The following CNGA1 variants were observed in gnomAD, a reference collection of about 807,000 sequenced individuals.
CNGA1 encodes cyclic nucleotide-gated channel alpha-1.
CNGA1 carries 53 observed loss-of-function variants against 69.7 expected under a neutral mutation model. The ratio of observed to expected loss-of-function variants is 0.76; its 90% CI spans 0.61 to 0.96. CNGA1 has a LOEUF of 0.96. CNGA1 is among the 40% of genes least tolerant of loss of function. The probability of loss-of-function intolerance (pLI) is 0.00; values close to 1 mark genes in which losing one functional copy is unlikely to be tolerated. For missense variants in CNGA1, 739 were observed against 811.2 expected (o/e 0.91, Z 1.08); for synonymous variants, 249 against 283.5 (o/e 0.88, Z 1.22).
intron 6 of CNGA1, among the ~76,000 whole-genome samples, chr4:47,945,052 A>C (rs1035234014): frequency 6.6e-6 from 1 of 152,080 alleles, no homozygotes; most frequent in Non-Finnish European, 1.5e-5. Flanking sequence ...GTTGAGGGCA[A>C]CTTACTCCAT....
chr4:48,011,740 C>A (rs891405990), intron 1 of CNGA1, among the ~76,000 whole-genome samples: 1 of 152,044 alleles, frequency 6.6e-6, no homozygotes, highest in Non-Finnish European at 1.5e-5. Context: ...AATTTAAAAC[C>A]AGGTGGGTGT....
chr4:47,959,170 A>C (rs1040153768), intron 3 of CNGA1: 1 of 152,038 alleles, frequency 6.6e-6, no homozygotes, highest in South Asian at 2.1e-4. Context: ...AGTTGGTGGC[A>C]AATGTGGGTG....
intron 3 of CNGA1, among the ~76,000 whole-genome samples, chr4:47,979,912 T>A (rs1578107842): frequency 1.3e-5 from 2 of 152,142 alleles, no homozygotes; most frequent in Non-Finnish European, 2.9e-5. Flanking sequence ...TTTGAAAAAA[T>A]TTTTTTCTCT....
chr4:47,972,095 G>A (rs1741079535), intron 3 of CNGA1, among the ~76,000 whole-genome samples: 1 of 152,136 alleles, frequency 6.6e-6, no homozygotes, highest in African/African-American at 2.4e-5. Context: ...AGTTTGCAAA[G>A]CAGTATCTTC....
At chr4:48,008,698 C>A (rs750991856) in intron 2 of CNGA1, among the ~76,000 whole-genome samples, 1 of 152,110 alleles carries the variant, frequency 6.6e-6, no homozygotes, top group Non-Finnish European at 1.5e-5. Flanking sequence ...ATGAAACTCA[C>A]CTTTGCAAAA....
Position 47,936,042 on chromosome 4 carries a change from A to G in CNGA1, c.*379T>C, listed in dbSNP as rs908644815. On this transcript the variant is annotated 3_prime_UTR_variant, in exon 11 of 11. Transcript: ENST00000514170. ...AAATGTTATCCCAAATATGATGTAC[A>G]TGGTAATTCTCAGTTACTTCAAATA... 17 of 230,230 alleles carry G rather than the reference A, an allele frequency of 7.4e-5. No homozygotes were observed. The highest frequency in any genetic ancestry group is 3.7e-4 in the African/African-American group (16 of 43,464). 14.3% of individuals were successfully genotyped at this position (230,230 alleles called of 1,614,324 possible).
At chr4:47,941,588 T>G (rs1739079503) in intron 9 of CNGA1, among the ~76,000 whole-genome samples, 1 of 152,160 alleles carries the variant, frequency 6.6e-6, no homozygotes, top group South Asian at 2.1e-4. Flanking sequence ...AGTTTAAAAG[T>G]CTTCCCCTCT....
intron 3 of CNGA1, among the ~76,000 whole-genome samples, chr4:47,974,652 C>T (rs925447968): frequency 1.3e-5 from 2 of 151,862 alleles, no homozygotes; most frequent in African/African-American, 4.8e-5. Flanking sequence ...TAAACATTTT[C>T]CATAATACTG....
intron 2 of CNGA1, among the ~76,000 whole-genome samples, chr4:47,996,744 T>C (rs1316291506): frequency 1.3e-5 from 2 of 152,124 alleles, no homozygotes; most frequent in African/African-American, 4.8e-5. Context: ...AGTATGGTTG[T>C]ACCTGAAAAT....
At chr4:47,958,617 G>T (rs888685845) in intron 3 of CNGA1, among the ~76,000 whole-genome samples, 2 of 134,216 alleles carry the variant, frequency 1.5e-5, no homozygotes, top group African/African-American at 5.6e-5. Flanking sequence ...GCAAGACTCC[G>T]CCTCAAAAAA....
intron 3 of CNGA1, among the ~76,000 whole-genome samples, chr4:47,980,472 CTTTT>C (rs5858098): frequency 1.3e-4 from 15 of 112,376 alleles, no homozygotes; most frequent in Non-Finnish European, 1.4e-4. Flanking sequence ...TTCTTTCTTT[CTTTT>C]TTTTTTTTTT....
chr4:47,948,502 T>C (rs1239805470), intron 6 of CNGA1, among the ~76,000 whole-genome samples: 1 of 152,170 alleles, frequency 6.6e-6, no homozygotes, highest in African/African-American at 2.4e-5. Context: ...TAAGGATCTA[T>C]GGATCTAGAG....
intron 6 of CNGA1, among the ~76,000 whole-genome samples, chr4:47,947,382 G>A (rs1428450942): frequency 6.6e-6 from 1 of 152,116 alleles, no homozygotes; most frequent in African/African-American, 2.4e-5. Context: ...TATGGAAAAA[G>A]AAATAGCCCA....
chr4:48,004,244 A>G (rs557815683), intron 2 of CNGA1, among the ~76,000 whole-genome samples: 2 of 152,238 alleles, frequency 1.3e-5, no homozygotes, highest in African/African-American at 4.8e-5. Flanking sequence ...ATCATTGGAG[A>G]TGGCTCACAC....
chr4:47,960,917 T>G (rs76653793), intron 3 of CNGA1, among the ~76,000 whole-genome samples: 4,295 of 152,304 alleles, frequency 0.028, 76 homozygotes, highest in Non-Finnish European at 0.044. Context: ...TGAAATTTAC[T>G]GAAAAGGACA....
chr4:47,939,467 A>C (rs936889227), intron 10 of CNGA1, among the ~76,000 whole-genome samples: 1 of 152,166 alleles, frequency 6.6e-6, no homozygotes, highest in Non-Finnish European at 1.5e-5. Flanking sequence ...CAGTAAACAT[A>C]AGTGTTTTCC....
chr4:47,956,435 C>T (rs1740091198), intron 3 of CNGA1, among the ~76,000 whole-genome samples: 1 of 152,150 alleles, frequency 6.6e-6, no homozygotes, highest in African/African-American at 2.4e-5. Flanking sequence ...CCTCACTGCC[C>T]ACTTTCAGGT....
At chr4:48,000,026 G>GAATA (rs1410146250) in intron 2 of CNGA1, among the ~76,000 whole-genome samples, 1 of 152,012 alleles carries the variant, frequency 6.6e-6, no homozygotes, top group Non-Finnish European at 1.5e-5. Flanking sequence ...TAAAATATCT[G>GAATA]AAATTAAAAA....
rs1037969250 is a variant in CNGA1, at chr4:47,962,259, G to A, written c.-14-9556C>T. On this transcript the variant is annotated intron_variant, in intron 3 of 10. Coordinates refer to ENST00000514170, the MANE Select transcript of CNGA1 (RefSeq NM_001379270.1). Reference sequence around the variant, plus strand: ...CTCGGGAGGCTGAGACAGGAGAATCGCTTGAACCAGGGAGTCGGAGGTTGC... The same window carrying A: ...CTCGGGAGGCTGAGACAGGAGAATCACTTGAACCAGGGAGTCGGAGGTTGC... 3.4e-4 allele frequency among the ~76,000 whole-genome samples: 52 copies of A among 151,302 alleles called. 1 individual carries two copies. Among genetic ancestry groups the A allele is most frequent in the African/African-American group, 1.1e-3 (47 of 41,072 alleles).
Sources: gnomAD v4.1 joint callset for allele counts (sites outside exome capture counted in the v4.1 genomes callset) on GRCh38, gnomAD v4.1.1 for gene constraint, MANE v1.5 for transcripts, NCBI Gene and HGNC (gene_info 2026-07-23, HGNC 2026-07-21) for gene names.